The following AUH variants were observed in gnomAD, a reference collection of about 807,000 sequenced individuals.
The protein encoded by AUH is AU RNA binding methylglutaconyl-CoA hydratase, also known as methylglutaconyl-CoA hydratase, mitochondrial.
AUH carries 29 observed loss-of-function variants against 42.3 expected under a neutral mutation model. The observed-to-expected ratio is 0.69, with a 90% CI of 0.51 to 0.93. The LOEUF is 0.93. Ranked by LOEUF, AUH falls within the 40% of genes least tolerant of loss-of-function variation. The pLI is 0.00. For synonymous variants in AUH, 174 were observed against 166.4 expected, an observed-to-expected ratio of 1.05 and a Z score of -0.35; for missense variants, 452 against 438.1, an observed-to-expected ratio of 1.03 and a Z score of -0.28.
At chr9:91,228,475 T>A (rs1191547836) in intron 6 of AUH, among the ~76,000 whole-genome samples, 1 of 148,968 alleles carries the variant, frequency 6.7e-6, no homozygotes. Flanking sequence ...TAGCGGTCTA[T>A]CAATTTTGTT....
intron 3 of AUH, among the ~76,000 whole-genome samples, chr9:91,353,244 G>T (rs530596068): frequency 6.6e-6 from 1 of 151,886 alleles, no homozygotes; most frequent in South Asian, 2.1e-4. Flanking sequence ...CTACTACCAC[G>T]CCCAGAAAAT....
intron 6 of AUH, among the ~76,000 whole-genome samples, chr9:91,245,019 T>C (rs1257134556): frequency 6.6e-6 from 1 of 152,202 alleles, no homozygotes; most frequent in African/African-American, 2.4e-5. Flanking sequence ...TCACAACTAA[T>C]TCCTAGACAC....
rs115773968 is a variant in AUH at position 91,301,974 on chromosome 9, T to C, written c.506-3898A>G. ...GAATTAAGTAAAACAGCTTAATTCG[T>C]ATTCAATGGGTAATTAAATATTAGT... On this transcript the variant is annotated intron_variant, in intron 4 of 9. Coordinates refer to ENST00000375731, the MANE Select transcript of AUH (RefSeq NM_001698.3). Among the ~76,000 whole-genome samples, 553 of 152,344 alleles carry C rather than the reference T, an allele frequency of 3.6e-3. 7 individuals carry two copies. The highest frequency in any genetic ancestry group is 0.013 in the African/African-American group (527 of 41,576).
chr9:91,266,266 G>A (rs1829972672), intron 6 of AUH, among the ~76,000 whole-genome samples: 1 of 152,032 alleles, frequency 6.6e-6, no homozygotes, highest in Admixed American at 6.5e-5. Flanking sequence ...GGAGGCTGAG[G>A]CAGGAGAATC....
intron 6 of AUH, among the ~76,000 whole-genome samples, chr9:91,295,089 A>T (rs921875315): frequency 1.3e-5 from 2 of 152,068 alleles, no homozygotes; most frequent in Non-Finnish European, 2.9e-5. Context: ...GCTTTTTTTA[A>T]TAAGGGGTTT....
chr9:91,231,988 T>C (rs1008958466), intron 6 of AUH, among the ~76,000 whole-genome samples: 2 of 152,222 alleles, frequency 1.3e-5, no homozygotes, highest in Non-Finnish European at 1.5e-5. Context: ...TATGTACTTA[T>C]ATGATTTTGA....
intron 4 of AUH, among the ~76,000 whole-genome samples, chr9:91,305,943 G>A (rs531298826): frequency 3.9e-5 from 6 of 152,160 alleles, no homozygotes; most frequent in Middle Eastern, 3.4e-3. Flanking sequence ...CCACGTACCC[G>A]AGAAAAGGGA....
intron 6 of AUH, among the ~76,000 whole-genome samples, chr9:91,279,407 TA>T (rs1825795810): frequency 6.6e-6 from 1 of 152,210 alleles, no homozygotes; most frequent in Non-Finnish European, 1.5e-5. Flanking sequence ...TTTGTGTTGC[TA>T]TAAAGAGATA....
At chr9:91,303,308 A>T (rs186475399) in intron 4 of AUH, among the ~76,000 whole-genome samples, 1 of 152,252 alleles carries the variant, frequency 6.6e-6, no homozygotes, top group Admixed American at 6.5e-5. Flanking sequence ...TTGATTATTA[A>T]AGGAAAATGT....
intron 6 of AUH, among the ~76,000 whole-genome samples, chr9:91,279,734 G>T (rs1226337846): frequency 6.6e-6 from 1 of 152,134 alleles, no homozygotes; most frequent in African/African-American, 2.4e-5. Context: ...CTCCAACACT[G>T]CGGGTCACAA....
At chr9:91,234,881 G>A (rs1473894103) in intron 6 of AUH, among the ~76,000 whole-genome samples, 1 of 149,152 alleles carries the variant, frequency 6.7e-6, no homozygotes, top group Non-Finnish European at 1.5e-5. Flanking sequence ...GGTGGTTGGA[G>A]AAGGCCTGCT....
Position 91,348,115 on chromosome 9 carries a change from T to C in AUH, c.418+7768A>G, listed in dbSNP as rs1831675667. 2.0e-5 allele frequency among the ~76,000 whole-genome samples: 3 copies of C among 149,556 alleles called. No individual in the cohort carries two copies. The South Asian group carries it at 6.3e-4, about 31-fold the overall frequency. Reference sequence around the variant, plus strand: ...AACCTTACAACTCAATGAGATGAGATTCTAAGAAAAACATTGGGAAAAAAT... The same window carrying C: ...AACCTTACAACTCAATGAGATGAGACTCTAAGAAAAACATTGGGAAAAAAT... On this transcript the variant is annotated intron_variant, in intron 3 of 9. Transcript: ENST00000375731.
intron 6 of AUH, among the ~76,000 whole-genome samples, chr9:91,277,226 T>C (rs137976260): frequency 3.9e-4 from 60 of 152,296 alleles, no homozygotes; most frequent in African/African-American, 1.4e-3. Context: ...AATGGATGCA[T>C]AAAATACCAT....
intron 3 of AUH, 93 bp downstream of exon 3, chr9:91,355,790 G>A (rs150044692): frequency 8.4e-7 from 1 of 1,185,546 alleles, no homozygotes; most frequent in East Asian, 2.4e-5. Flanking sequence ...TGGTAATGGG[G>A]TTCAAACCAA....
intron 6 of AUH, among the ~76,000 whole-genome samples, chr9:91,223,027 T>C (rs752360090): frequency 4.6e-5 from 7 of 152,190 alleles, no homozygotes; most frequent in Non-Finnish European, 7.4e-5. Context: ...ATGTAGGTGG[T>C]AACTAACACT....
chr9:91,284,617 G>GA (rs1343681870), intron 6 of AUH, among the ~76,000 whole-genome samples: 1 of 151,434 alleles, frequency 6.6e-6, no homozygotes, highest in East Asian at 1.9e-4. Context: ...AAACTTACGA[G>GA]AAAAAAAACA....
chr9:91,354,006 A>C (rs2132068731), intron 3 of AUH, among the ~76,000 whole-genome samples: 1 of 151,854 alleles, frequency 6.6e-6, no homozygotes, highest in East Asian at 1.9e-4. Flanking sequence ...GTCTCTAGCA[A>C]AAATACAAAA....
intron 3 of AUH, among the ~76,000 whole-genome samples, chr9:91,328,059 G>C (rs1238904176): frequency 6.6e-6 from 1 of 152,202 alleles, no homozygotes; most frequent in Non-Finnish European, 1.5e-5. Context: ...CCCAGACAGA[G>C]GTGGCAGGGG....
chr9:91,245,761 G>A (rs1321616968), intron 6 of AUH, among the ~76,000 whole-genome samples: 1 of 152,178 alleles, frequency 6.6e-6, no homozygotes, highest in Admixed American at 6.5e-5. Flanking sequence ...GAAAACGGAG[G>A]CCTAAGGTAG....
Sources: gnomAD v4.1 joint callset for allele counts (sites outside exome capture counted in the v4.1 genomes callset) on GRCh38, gnomAD v4.1.1 for gene constraint, MANE v1.5 for transcripts, NCBI Gene and HGNC (gene_info 2026-07-23, HGNC 2026-07-21) for gene names.